The following BAZ1B variants were observed in gnomAD, a reference collection of about 807,000 sequenced individuals.
The protein encoded by BAZ1B is tyrosine-protein kinase BAZ1B.
BAZ1B carries 22 observed loss-of-function variants against 153.8 expected under a neutral mutation model. The observed-to-expected ratio is 0.14, with a 90% CI of 0.10 to 0.20. The LOEUF is 0.20. Among genes scored for constraint, BAZ1B ranks in the 10% least tolerant of loss-of-function variants. The pLI, the probability that BAZ1B is intolerant of heterozygous loss-of-function variation, is 1.00. For missense variants in BAZ1B, 1,325 were observed against 1,799.3 expected (o/e 0.74, Z 4.77); for synonymous variants, 676 against 633.4 (o/e 1.07, Z -1.01).
At chr7:73,443,882 G>T (rs1286922084) in intron 17 of BAZ1B, 102 bp downstream of exon 17, 6 of 1,558,740 alleles carry the variant, frequency 3.8e-6, no homozygotes, top group Middle Eastern at 2.0e-4. Flanking sequence ...GAAGGAGGAG[G>T]GGGGAGGCTC....
At chr7:73,516,082 G>A (rs372641669) in intron 1 of BAZ1B, among the ~76,000 whole-genome samples, 2 of 152,208 alleles carry the variant, frequency 1.3e-5, no homozygotes, top group Non-Finnish European at 2.9e-5. Flanking sequence ...AGGAGGTGGA[G>A]GTTGCAGTGA....
At chr7:73,503,740 G>A (rs946194190) in intron 3 of BAZ1B, among the ~76,000 whole-genome samples, 1 of 152,060 alleles carries the variant, frequency 6.6e-6, no homozygotes, top group East Asian at 1.9e-4. Flanking sequence ...GTTTTGCCAT[G>A]TCAATTCCAT....
chr7:73,448,226 C>T (rs553218182), intron 15 of BAZ1B, among the ~76,000 whole-genome samples: 1 of 152,156 alleles, frequency 6.6e-6, no homozygotes, highest in Non-Finnish European at 1.5e-5. Flanking sequence ...ATCGCTTGAA[C>T]CTGGGAGGTG....
chr7:73,506,521 A>T (rs1420943546), intron 3 of BAZ1B, among the ~76,000 whole-genome samples: 1 of 146,906 alleles, frequency 6.8e-6, no homozygotes, highest in Non-Finnish European at 1.5e-5. Context: ...AAATTTAAGT[A>T]GAAAAAGTCC....
rs148514567 is a variant in BAZ1B at position 73,521,545 on chromosome 7, G to A, written c.107+282C>T. Reference sequence around the variant, plus strand: ...AACCCGGGGAAGGTAATGGGGATGGGGGATGCGCTCCTCGCCGGCGAGGCC... The same window carrying A: ...AACCCGGGGAAGGTAATGGGGATGGAGGATGCGCTCCTCGCCGGCGAGGCC... On this transcript the variant is annotated intron_variant, in intron 1 of 19. Coordinates refer to ENST00000339594, the MANE Select transcript of BAZ1B (RefSeq NM_032408.4). Among the ~76,000 whole-genome samples, 1,142 of 152,268 alleles carry A rather than the reference G, an allele frequency of 7.5e-3. 12 individuals are homozygous for A. Among genetic ancestry groups the A allele is most frequent in the African/African-American group, 0.026 (1,090 of 41,580 alleles).
At position 73,450,891 on chromosome 7, in the gene BAZ1B, T is replaced by A; in HGVS notation, c.3536A>T (p.Asp1179Val). 3 of 1,614,128 alleles carry A rather than the reference T, an allele frequency of 1.9e-6. No homozygotes were observed. Among genetic ancestry groups the A allele is most frequent in the Non-Finnish European group, 2.5e-6 (3 of 1,180,034 alleles). The change falls in exon 14 of 20, where the codon GAT (aspartate) becomes GTT (valine). Residue 1179 changes from aspartate (D) to valine (V), a missense_variant. By Grantham distance (152) the Asp-to-Val change is radical. This residue lies in a region of BAZ1B where 21 missense variants were observed against 58.3 expected (regional missense o/e 0.36). Coordinates refer to ENST00000339594, the MANE Select transcript of BAZ1B (RefSeq NM_032408.4). The surrounding 1 kb of genome is among the most constrained non-coding windows in gnomAD (Gnocchi z 4.1). Reference protein sequence around the residue: ...LGMLDACIKWDMSAENARCKV... With the variant: ...LGMLDACIKWVMSAENARCKV... ...GCACCTAGCATTTTCTGCGGACATA[T>A]CCCACTTGATACAGGCATCAAGCAT...
chr7:73,499,324 G>C (rs1790036529), intron 3 of BAZ1B, among the ~76,000 whole-genome samples: 1 of 151,976 alleles, frequency 6.6e-6, no homozygotes, highest in Non-Finnish European at 1.5e-5. Context: ...CACGGTGCCT[G>C]GCCTACATTT....
At chr7:73,456,364 AG>A (rs1788198929) in intron 13 of BAZ1B, among the ~76,000 whole-genome samples, 1 of 152,246 alleles carries the variant, frequency 6.6e-6, no homozygotes, top group Non-Finnish European at 1.5e-5. Context: ...CAGAATGAAA[AG>A]GCTACCCATG....
At chr7:73,464,321 C>T (rs868985868) in intron 11 of BAZ1B, 5 of 175,536 alleles carry the variant, frequency 2.8e-5, no homozygotes, top group Admixed American at 6.5e-5. Flanking sequence ...TTTGATGCTA[C>T]TTTGTAGACA....
intron 5 of BAZ1B, among the ~76,000 whole-genome samples, chr7:73,491,089 C>T (rs1336780482): frequency 6.6e-6 from 1 of 151,664 alleles, no homozygotes; most frequent in African/African-American, 2.4e-5. Context: ...AGTTCAAGAC[C>T]AGCCTGGCCA....
At chr7:73,451,508 G>A (rs1788026120) in intron 13 of BAZ1B, among the ~76,000 whole-genome samples, 1 of 152,190 alleles carries the variant, frequency 6.6e-6, no homozygotes, top group South Asian at 2.1e-4. Context: ...AGTTGATTCT[G>A]TTCCGAAGTG....
In BAZ1B at chr7:73,450,760, A is replaced by G; in HGVS notation, c.3580+87T>C. ...ACCACACTTATATTCTGTGTACACA[A>G]AATTCTTTTGGGTAGAAATGAAGAT... On this transcript the variant is annotated intron_variant, in intron 14 of 19. Transcript: ENST00000339594. The surrounding 1 kb of genome is among the most constrained non-coding windows in gnomAD (Gnocchi z 4.1). 1 of 1,491,206 alleles carries G rather than the reference A, an allele frequency of 6.7e-7. No individual in the cohort carries two copies. The highest frequency in any genetic ancestry group is 9.2e-7 in the Non-Finnish European group (1 of 1,083,448). The allele number at this position is 1,491,206 out of a possible 1,614,324, so 92.4% of individuals were successfully genotyped here.
chr7:73,493,304 T>C (rs949868086), intron 4 of BAZ1B, among the ~76,000 whole-genome samples: 3 of 150,424 alleles, frequency 2.0e-5, no homozygotes, highest in Non-Finnish European at 4.4e-5. Context: ...CTACTAAAAA[T>C]ACAAAATTAG....
intron 13 of BAZ1B, among the ~76,000 whole-genome samples, chr7:73,456,429 G>A (rs1377356420): frequency 1.3e-5 from 2 of 152,078 alleles, no homozygotes; most frequent in African/African-American, 4.8e-5. Context: ...TATTATCAAG[G>A]ACATATAAAG....
chr7:73,459,412 C>G, intron 13 of BAZ1B, 124 bp downstream of exon 13: 3 of 949,882 alleles, frequency 3.2e-6, no homozygotes, highest in Non-Finnish European at 4.6e-6. Context: ...AACACACACA[C>G]ACACAAAAAC....
chr7:73,461,504 TA>T (rs1788395897), intron 12 of BAZ1B, among the ~76,000 whole-genome samples: 1 of 152,086 alleles, frequency 6.6e-6, no homozygotes, highest in Non-Finnish European at 1.5e-5. Context: ...CACAAAAAAG[TA>T]AACATGTAAC....
chr7:73,506,340 T>C (rs1377293952), intron 3 of BAZ1B, among the ~76,000 whole-genome samples: 3 of 151,096 alleles, frequency 2.0e-5, no homozygotes, highest in Non-Finnish European at 2.9e-5. Context: ...CTATTAAAAA[T>C]ACAAAAAAAT....
At chr7:73,461,907 T>C (rs976449575) in intron 12 of BAZ1B, among the ~76,000 whole-genome samples, 3 of 152,166 alleles carry the variant, frequency 2.0e-5, no homozygotes, top group East Asian at 1.9e-4. Context: ...CAGGGCAACA[T>C]AGTGAGATTT....
At chr7:73,484,468 G>T (rs1478737694) in intron 6 of BAZ1B, among the ~76,000 whole-genome samples, 1 of 151,928 alleles carries the variant, frequency 6.6e-6, no homozygotes, top group Non-Finnish European at 1.5e-5. Flanking sequence ...GCGAGACCCT[G>T]TCTCTTCAAC....
Sources: allele counts gnomAD v4.1 joint callset (sites outside exome capture counted in the v4.1 genomes callset), GRCh38; gene constraint gnomAD v4.1.1; regional missense constraint gnomAD v4.1.1; non-coding constraint Gnocchi (gnomAD v3.1); transcripts MANE v1.5; gene names NCBI Gene and HGNC (gene_info 2026-07-23, HGNC 2026-07-21).